The following ZNF831 variants were observed in gnomAD, a reference collection of about 807,000 sequenced individuals.
The protein encoded by ZNF831 is zinc finger protein 831, also known as chromosome 20 open reading frame 174.
In ZNF831, 59 loss-of-function variants were observed where a neutral mutation model predicts 95.8. The observed-to-expected ratio is 0.62, with a 90% CI of 0.50 to 0.77. ZNF831 has a LOEUF of 0.77. ZNF831 is among the 30% of genes least tolerant of loss of function. ZNF831 has a pLI of 0.00. For missense variants in ZNF831, 2,205 were observed against 2,164.0 expected (o/e 1.02, Z -0.38); for synonymous variants, 961 against 925.5 (o/e 1.04, Z -0.70).
intron 4 of ZNF831, among the ~76,000 whole-genome samples, chr20:59,239,910 T>G (rs1204952848): frequency 6.6e-6 from 1 of 152,202 alleles, no homozygotes; most frequent in South Asian, 2.1e-4. Flanking sequence ...CAGCACAGTC[T>G]TACTTCTCCA....
chr20:59,192,631 G>GGCCCA lies in ZNF831; in HGVS notation c.1617_1621dup (p.Arg541GlnfsTer10). On this transcript the variant is annotated frameshift_variant, in exon 2 of 6. Coordinates refer to ENST00000371030, the MANE Select transcript of ZNF831 (RefSeq NM_178457.3). LOFTEE classifies it high-confidence loss of function. This position sits in a 1 kb window ranked among gnomAD's most constrained non-coding sequence, Gnocchi z 5.2. ...GCAGAAGCCTCTGAGCCCCAGGCCCGGCCCAGCCCGCCTGGGCTGCCGCTC... is the reference window on the plus strand; with the variant it reads ...GCAGAAGCCTCTGAGCCCCAGGCCCGGCCCAGCCCAGCCCGCCTGGGCTGCCGCTC... The GGCCCA allele has an allele frequency of 3.3e-6, 5 of 1,498,224 alleles. No individual in the cohort carries two copies. The highest frequency in any genetic ancestry group is 4.4e-6 in the Non-Finnish European group (5 of 1,126,306). The allele number at this position is 1,498,224 out of a possible 1,614,324, so 92.8% of individuals were successfully genotyped here.
chr20:59,254,837 T>TAGGTGTTTCACAGATAGA lies in ZNF831; in HGVS notation c.*94_*95insAGGTGTTTCACAGATAGA. ...TGGCGGAAGAACTAAACTCTATCTG[T>TAGGTGTTTCACAGATAGA]GAAACACCTACAGATTAGGAAAGCC... is the stretch of plus-strand genomic sequence containing the variant. On this transcript the variant is annotated 3_prime_UTR_variant, in exon 6 of 6. Transcript: ENST00000371030. This position sits in a 1 kb window ranked among gnomAD's most constrained non-coding sequence, Gnocchi z 4.5. 1 of 1,484,928 alleles carries TAGGTGTTTCACAGATAGA rather than the reference T, an allele frequency of 6.7e-7. No homozygotes were observed. The highest frequency in any genetic ancestry group is 9.0e-7 in the Non-Finnish European group (1 of 1,108,446). The allele number at this position is 1,484,928 out of a possible 1,614,324, so 92.0% of individuals were successfully genotyped here.
intron 1 of ZNF831, among the ~76,000 whole-genome samples, chr20:59,166,115 A>G (rs1190996756): frequency 6.6e-6 from 1 of 152,184 alleles, no homozygotes; most frequent in African/African-American, 2.4e-5. Context: ...CAGATATGGT[A>G]AATGGTAGTG....
At chr20:59,158,965 G>A (rs1980690541), upstream of ZNF831, among the ~76,000 whole-genome samples, 1 of 152,096 alleles carries the variant, frequency 6.6e-6, no homozygotes, top group South Asian at 2.1e-4. Context: ...GTCAACTGAT[G>A]TCTCTTTCTG....
chr20:59,130,962 T>C (rs1979335098), intron 1 of ZNF831, among the ~76,000 whole-genome samples: 1 of 152,118 alleles, frequency 6.6e-6, no homozygotes, highest in African/African-American at 2.4e-5. Flanking sequence ...TCACAGCTGG[T>C]TGTGAGGCCT....
intron 4 of ZNF831, among the ~76,000 whole-genome samples, chr20:59,212,605 C>T (rs1236646275): frequency 6.6e-6 from 1 of 152,168 alleles, no homozygotes; most frequent in Non-Finnish European, 1.5e-5. Flanking sequence ...CTGAGGGGTG[C>T]ACTTAATCTC....
intron 5 of ZNF831, 47 bp downstream of exon 5, chr20:59,253,185 T>C: frequency 6.3e-7 from 1 of 1,595,618 alleles, no homozygotes; most frequent in Non-Finnish European, 8.6e-7. Context: ...CTGGTCTAGA[T>C]GTATAGCCCT....
chr20:59,231,571 G>A (rs1442951459), intron 4 of ZNF831, among the ~76,000 whole-genome samples: 1 of 152,152 alleles, frequency 6.6e-6, no homozygotes, highest in Non-Finnish European at 1.5e-5. Context: ...CTTTTTGCTT[G>A]TTTGTCTGAA....
intron 2 of ZNF831, among the ~76,000 whole-genome samples, chr20:59,147,827 A>T (rs933879756): frequency 6.6e-6 from 1 of 152,234 alleles, no homozygotes; most frequent in Non-Finnish European, 1.5e-5. Context: ...ACCTGTTCAT[A>T]TTTCAGAGGC....
chr20:59,130,143 C>A (rs935940916), intron 1 of ZNF831, among the ~76,000 whole-genome samples: 19 of 152,110 alleles, frequency 1.2e-4, no homozygotes, highest in African/African-American at 4.6e-4. Flanking sequence ...TAGGAAGGGC[C>A]TGGCACTTGG....
In ZNF831 at chr20:59,193,167, G is replaced by C. The variant is rs61743775; in HGVS notation, c.2148G>C (p.Arg716Ser). ...CTAAGCATGGGGAGACGGTGGCCAG[G>C]AGAGGAGACAGTGACCGACCCAGGG... Reference protein sequence around the residue: ...EPTKHGETVARRGDSDRPRVE... With the variant: ...EPTKHGETVASRGDSDRPRVE... The change falls in exon 2 of 6, where the codon AGG (arginine) becomes AGC (serine). Residue 716 changes from arginine (R) to serine (S), a missense_variant. Arg to Ser is a moderately radical substitution (Grantham distance 110). Coordinates refer to ENST00000371030, the MANE Select transcript of ZNF831 (RefSeq NM_178457.3). 5 of 1,575,110 alleles carry C rather than the reference G, an allele frequency of 3.2e-6. No homozygotes were observed. The highest frequency in any genetic ancestry group is 4.3e-6 in the Non-Finnish European group (5 of 1,159,838).
chr20:59,194,364 T>C lies in ZNF831; in HGVS notation c.3345T>C (p.Ser1115=), dbSNP rs1487971307. 2.5e-6 allele frequency: 4 copies of C among 1,612,164 alleles called. No homozygotes were observed. In the African/African-American group the frequency reaches 5.3e-5, roughly 22 times the overall value. ...EPPGNAPEDP[S]SGPLVGPDPC... ...CTGGGAATGCCCCAGAAGATCCTTC[T>C]TCAGGGCCCCTGGTGGGCCCCGACC... is the stretch of plus-strand genomic sequence containing the variant. The change falls in exon 2 of 6, where the codon TCT becomes TCC. Residue 1115 remains serine (S), a synonymous_variant. Coordinates refer to ENST00000371030, the MANE Select transcript of ZNF831 (RefSeq NM_178457.3).
chr20:59,144,971 C>G (rs1048892649), intron 1 of ZNF831, among the ~76,000 whole-genome samples: 1 of 152,182 alleles, frequency 6.6e-6, no homozygotes, highest in Admixed American at 6.5e-5. Flanking sequence ...TGGCCACAGG[C>G]TGCCCCCATG....
Position 59,215,066 on chromosome 20 carries a change from G to A in ZNF831, c.4027+8010G>A, listed in dbSNP as rs1057145988. On this transcript the variant is annotated intron_variant, in intron 4 of 5. Coordinates refer to ENST00000371030, the MANE Select transcript of ZNF831 (RefSeq NM_178457.3). The stretch of plus-strand genomic sequence containing the variant: ...AAAATTATTATTATTGAAAACCTCT[G>A]TGCTAAAAGTTCCATTAACTGAGAC... Among the ~76,000 whole-genome samples, 3 of 152,182 alleles carry A rather than the reference G, an allele frequency of 2.0e-5. 1 individual carries two copies. The highest frequency in any genetic ancestry group is 4.1e-4 in the South Asian group (2 of 4,832).
At chr20:59,151,873 C>T (rs1182623755) in intron 2 of ZNF831, among the ~76,000 whole-genome samples, 2 of 152,126 alleles carry the variant, frequency 1.3e-5, no homozygotes, top group Non-Finnish European at 2.9e-5. Context: ...CTCTGTCTAG[C>T]GATGCTGCAA....
At chr20:59,249,504 G>T (rs1200897367) in intron 4 of ZNF831, among the ~76,000 whole-genome samples, 1 of 152,032 alleles carries the variant, frequency 6.6e-6, no homozygotes, top group African/African-American at 2.4e-5. Context: ...CCTTTGTTTT[G>T]TTCTTCTCAG....
In ZNF831 at chr20:59,193,764, G is replaced by A; in HGVS notation, c.2745G>A (p.Glu915=). ...ATCCTGCAGCCCCAGCCCCCGCAGAGCACCCCTCGCTGGCCACCCCACCTC... is the reference window on the plus strand; with the variant it reads ...ATCCTGCAGCCCCAGCCCCCGCAGAACACCCCTCGCTGGCCACCCCACCTC... ...PLHPAAPAPA[E]HPSLATPPQA... The change falls in exon 2 of 6, where the codon GAG becomes GAA. Residue 915 remains glutamate (E), a synonymous_variant. Transcript: ENST00000371030. The A allele has an allele frequency of 6.2e-7, 1 of 1,607,664 alleles. No homozygotes were observed. The highest frequency in any genetic ancestry group is 8.5e-7 in the Non-Finnish European group (1 of 1,176,720).
At chr20:59,248,811 A>G (rs999765981) in intron 4 of ZNF831, among the ~76,000 whole-genome samples, 1 of 152,158 alleles carries the variant, frequency 6.6e-6, no homozygotes, top group African/African-American at 2.4e-5. Context: ...CATATCTTGA[A>G]TCCACCCCTT....
In ZNF831 at chr20:59,231,743, G is replaced by A. The variant is rs116610536; in HGVS notation, c.4028-21235G>A. On this transcript the variant is annotated intron_variant, in intron 4 of 5. Coordinates refer to ENST00000371030, the MANE Select transcript of ZNF831 (RefSeq NM_178457.3). ...TTCTCCCCACTGTCCGCCCCTTGCCGTTTGTAAAAGAAGGAGCAAGGTCTC... is the reference window on the plus strand; with the variant it reads ...TTCTCCCCACTGTCCGCCCCTTGCCATTTGTAAAAGAAGGAGCAAGGTCTC... Among the ~76,000 whole-genome samples the A allele has an allele frequency of 5.3e-3, 807 of 152,224 alleles. 9 individuals are homozygous for A. Among genetic ancestry groups the A allele is most frequent in the African/African-American group, 0.018 (750 of 41,528 alleles).
Sources: gnomAD v4.1 joint callset for allele counts (sites outside exome capture counted in the v4.1 genomes callset) on GRCh38, gnomAD v4.1.1 for gene constraint, Gnocchi (gnomAD v3.1) non-coding constraint, MANE v1.5 for transcripts, NCBI Gene and HGNC (gene_info 2026-07-23, HGNC 2026-07-21) for gene names.